Variants in TMEM71 observed in about 807,000 individuals in gnomAD.
TMEM71 encodes transmembrane protein 71.
A neutral mutation model predicts 38.0 loss-of-function variants in TMEM71; 44 were observed. The ratio of observed to expected loss-of-function variants is 1.16; its 90% CI spans 0.91 to 1.49. The LOEUF (loss-of-function observed/expected upper bound fraction) is 1.49. TMEM71 is among the 40% of genes most tolerant of loss of function. TMEM71 has a pLI of 0.00. For missense variants in TMEM71, 367 were observed against 348.6 expected (o/e 1.05, Z -0.42); for synonymous variants, 133 against 122.5 (o/e 1.09, Z -0.56).
At chr8:132,762,479 C>T (rs1563760349), upstream of TMEM71, among the ~76,000 whole-genome samples, 1 of 146,502 alleles carries the variant, frequency 6.8e-6, no homozygotes. Context: ...CTTTGGTCTA[C>T]TTTTTTTTTT....
At chr8:132,762,553 G>C (rs960347256), upstream of TMEM71, among the ~76,000 whole-genome samples, 3 of 152,000 alleles carry the variant, frequency 2.0e-5, no homozygotes, top group African/African-American at 7.3e-5. Flanking sequence ...TAACTTTAAG[G>C]AGTGCTTACT....
In TMEM71 at chr8:132,727,862, G is replaced by C. The variant is rs770902513; in HGVS notation, c.612C>G (p.Ser204Arg). The C allele has an allele frequency of 8.7e-6, 14 of 1,614,038 alleles. No individual in the cohort carries two copies. In the Admixed American group the frequency reaches 2.2e-4, roughly 25 times the overall value. ...ISQPPGGNSH[S>R]LSLQSQLTAS... Reference sequence around the variant, plus strand: ...CTGTCAACTGGGACTGAAGAGACAAGCTATGGGAGTTTCCTCCAGGAGGCT... The same window carrying C: ...CTGTCAACTGGGACTGAAGAGACAACCTATGGGAGTTTCCTCCAGGAGGCT... The change falls in exon 6 of 10, where the codon AGC becomes AGG. Residue 204 changes from serine (S) to arginine (R), a missense_variant. Transcript: ENST00000677595.
rs544482836 is a variant in TMEM71, at chr8:132,728,824, T to C, written c.488-838A>G. On this transcript the variant is annotated intron_variant, in intron 5 of 9. Coordinates refer to ENST00000677595, the MANE Select transcript of TMEM71 (RefSeq NM_001382403.1). Reference sequence around the variant, plus strand: ...GATATAGTGGTGAATTAGAACAACATCTCTGTCCTTACATATTGCTGAGTG... The same window carrying C: ...GATATAGTGGTGAATTAGAACAACACCTCTGTCCTTACATATTGCTGAGTG... Among the ~76,000 whole-genome samples the C allele has an allele frequency of 3.3e-5, 5 of 152,302 alleles. No homozygotes were observed. In the South Asian group the frequency reaches 1.0e-3, roughly 32 times the overall value.
In TMEM71 at chr8:132,755,778, T is replaced by C. The variant is rs1384196872; in HGVS notation, c.101+1456A>G. Among the ~76,000 whole-genome samples, 6 of 152,208 alleles carry C rather than the reference T, an allele frequency of 3.9e-5. No homozygotes were observed. The South Asian group carries it at 1.0e-3, about 26-fold the overall frequency. Reference sequence around the variant, plus strand: ...TACTGTTTCAAATTAATGAGAGTTATTGAACACTTAGCATGAGCCTGGCCC... The same window carrying C: ...TACTGTTTCAAATTAATGAGAGTTACTGAACACTTAGCATGAGCCTGGCCC... On this transcript the variant is annotated intron_variant, in intron 3 of 9. Transcript: ENST00000677595.
chr8:132,757,729 G>A (rs1470171575), intron 2 of TMEM71, among the ~76,000 whole-genome samples: 1 of 151,670 alleles, frequency 6.6e-6, no homozygotes, highest in Non-Finnish European at 1.5e-5. Context: ...GGGAGGCTGA[G>A]GCAGGAGAAT....
intron 4 of TMEM71, among the ~76,000 whole-genome samples, chr8:132,748,041 G>C (rs1828491229): frequency 6.6e-6 from 1 of 152,188 alleles, no homozygotes; most frequent in Admixed American, 6.5e-5. Context: ...ATCTGCCTGT[G>C]ATGTGTCAAG....
intron 7 of TMEM71, among the ~76,000 whole-genome samples, chr8:132,716,699 AT>A (rs1158844402): frequency 6.6e-6 from 1 of 152,198 alleles, no homozygotes; most frequent in Admixed American, 6.5e-5. Context: ...CCCCTTCGGT[AT>A]TGAGGGACAA....
intron 3 of TMEM71, among the ~76,000 whole-genome samples, chr8:132,755,572 G>A (rs1028971621): frequency 6.6e-6 from 1 of 152,138 alleles, no homozygotes; most frequent in Non-Finnish European, 1.5e-5. Context: ...GACAAAGACT[G>A]GTTGGTGAAA....
At chr8:132,709,283 C>T (rs1486179307), downstream of TMEM71, among the ~76,000 whole-genome samples, 2 of 152,142 alleles carry the variant, frequency 1.3e-5, no homozygotes, top group Admixed American at 6.5e-5. Flanking sequence ...CATTCATGCA[C>T]GTGGATTGTG....
chr8:132,756,044 C>G (rs1828984366), intron 3 of TMEM71, among the ~76,000 whole-genome samples: 1 of 151,990 alleles, frequency 6.6e-6, no homozygotes, highest in African/African-American at 2.4e-5. Flanking sequence ...CTACAATTTA[C>G]AAGAAGGAGC....
the TMEM71 span, among the ~76,000 whole-genome samples, chr8:132,772,711 A>C: frequency 6.6e-6 from 1 of 152,222 alleles, no homozygotes; most frequent in Non-Finnish European, 1.5e-5. Flanking sequence ...ATGATAATAT[A>C]AAAAATTTAT....
At chr8:132,752,127 T>G in intron 3 of TMEM71, 130 bp from the exon 4 acceptor site, 1 of 739,544 alleles carries the variant, frequency 1.4e-6, no homozygotes, top group Non-Finnish European at 2.3e-6. Flanking sequence ...CTGCAACCAT[T>G]AGGAATGTCA....
At chr8:132,753,155 T>TTA (rs1236678000) in intron 3 of TMEM71, among the ~76,000 whole-genome samples, 1 of 152,052 alleles carries the variant, frequency 6.6e-6, no homozygotes, top group East Asian at 1.9e-4. Context: ...AGTAATTATT[T>TTA]TATACATTAC....
the TMEM71 span, among the ~76,000 whole-genome samples, chr8:132,773,335 A>T: frequency 6.6e-6 from 1 of 152,348 alleles, no homozygotes; most frequent in Non-Finnish European, 1.5e-5. Context: ...GAAGCTAGGG[A>T]TCATTTACAT....
At chr8:132,726,485 CTAAGTACT>C (rs1827149261) in intron 6 of TMEM71, among the ~76,000 whole-genome samples, 1 of 152,044 alleles carries the variant, frequency 6.6e-6, no homozygotes, top group Admixed American at 6.5e-5. Flanking sequence ...ACATAGTATG[CTAAGTACT>C]TTACATGAGT....
chr8:132,726,466 A>G (rs934076581), intron 6 of TMEM71, among the ~76,000 whole-genome samples: 1 of 152,234 alleles, frequency 6.6e-6, no homozygotes, highest in South Asian at 2.1e-4. Context: ...TGAGTATTCA[A>G]TAGACATGAC....
chr8:132,752,018 C>A, intron 3 of TMEM71, 21 bp from the exon 4 acceptor site: 1 of 1,594,432 alleles, frequency 6.3e-7, no homozygotes, highest in Non-Finnish European at 8.6e-7. Context: ...AAAGATAACG[C>A]ACTTTAAATC....
At chr8:132,767,198 T>G in the TMEM71 span, among the ~76,000 whole-genome samples, 1 of 152,262 alleles carries the variant, frequency 6.6e-6, no homozygotes, top group Admixed American at 6.5e-5. Context: ...GTATTCCTTT[T>G]CCATTACTCT....
intron 5 of TMEM71, among the ~76,000 whole-genome samples, chr8:132,736,045 A>C (rs1157893583): frequency 6.6e-6 from 1 of 152,216 alleles, no homozygotes; most frequent in Non-Finnish European, 1.5e-5. Context: ...AAAACCAAAG[A>C]GATTGTAGCA....
Sources: allele counts gnomAD v4.1 joint callset (sites outside exome capture counted in the v4.1 genomes callset), GRCh38; gene constraint gnomAD v4.1.1; transcripts MANE v1.5; gene names NCBI Gene and HGNC (gene_info 2026-07-23, HGNC 2026-07-21).